Variants in PC observed in about 807,000 individuals in gnomAD.
PC encodes pyruvate carboxylase, mitochondrial.
In PC, 46 loss-of-function variants were observed where a neutral mutation model predicts 107.8. That is an observed-to-expected ratio of 0.43 (90% CI 0.34 to 0.55). The LOEUF is 0.55. Ranked by LOEUF, PC falls within the 20% of genes least tolerant of loss-of-function variation. PC has a pLI of 0.04. For missense variants in PC, 1,241 were observed against 1,643.1 expected (o/e 0.76, Z 4.23); for synonymous variants, 662 against 684.7 (o/e 0.97, Z 0.52).
intron 3 of PC, among the ~76,000 whole-genome samples, chr11:66,873,356 T>TATATATA (rs990623412): frequency 7.1e-5 from 8 of 112,266 alleles, no homozygotes; most frequent in African/African-American, 2.7e-4. Flanking sequence ...ATATATATAT[T>TATATATA]ATATATAATA....
At chr11:66,889,979 A>ATGAC (rs767851367) in intron 3 of PC, among the ~76,000 whole-genome samples, 5 of 152,350 alleles carry the variant, frequency 3.3e-5, no homozygotes, top group East Asian at 3.9e-4. Flanking sequence ...TACTTCACGA[A>ATGAC]TGACTGCACA....
Position 66,870,225 on chromosome 11 carries a change from C to T in PC, c.903+77G>A, listed in dbSNP as rs1185785037. The T allele has an allele frequency of 3.2e-6, 5 of 1,577,948 alleles. No homozygotes were observed. The highest frequency in any genetic ancestry group is 1.3e-5 in the African/African-American group (1 of 74,370). On this transcript the variant is annotated intron_variant, in intron 9 of 22. Transcript: ENST00000393960. The surrounding 1 kb of genome is among the most constrained non-coding windows in gnomAD (Gnocchi z 6.1). ...GAAGGGGACTCAGGGTCCCCTTCCC[C>T]AACCAGCGCCCCACTGTGAGGCCTG...
intron 3 of PC, among the ~76,000 whole-genome samples, chr11:66,909,361 C>T (rs1053265328): frequency 6.6e-6 from 1 of 152,158 alleles, no homozygotes; most frequent in Non-Finnish European, 1.5e-5. Context: ...CGTCATGGAC[C>T]CCAGCCATCT....
At chr11:66,939,803 T>A (rs1489061236) in intron 3 of PC, among the ~76,000 whole-genome samples, 4 of 10,328 alleles carry the variant, frequency 3.9e-4, no homozygotes, top group African/African-American at 8.7e-4. Context: ...AAACTCCGTC[T>A]CAAAAAAAAA....
chr11:66,879,917 G>A (rs1410094384), intron 3 of PC, among the ~76,000 whole-genome samples: 1 of 152,208 alleles, frequency 6.6e-6, no homozygotes, highest in Non-Finnish European at 1.5e-5. Flanking sequence ...GAGCTGCTGT[G>A]AATGACGGAG....
intron 11 of PC, among the ~76,000 whole-genome samples, chr11:66,864,602 A>G (rs1237789193): frequency 6.6e-6 from 1 of 152,168 alleles, no homozygotes; most frequent in Non-Finnish European, 1.5e-5. Flanking sequence ...AGGAAGTGGG[A>G]GAGGAAATGA....
At chr11:66,958,061 G>A (rs1312057458) in intron 1 of PC, 5 of 151,324 alleles carry the variant, frequency 3.3e-5, no homozygotes, top group Non-Finnish European at 7.4e-5. Flanking sequence ...AGGGGCGCTC[G>A]GGGGCTGCAG....
rs1945519559 is a variant in PC at position 66,851,906 on chromosome 11, G to A, written c.1866C>T (p.Cys622=). 3 of 1,613,952 alleles carry A rather than the reference G, an allele frequency of 1.9e-6. No homozygotes were observed. Among genetic ancestry groups the A allele is most frequent in the African/African-American group, 2.7e-5 (2 of 74,906 alleles). Residue 622 remains cysteine (C), a synonymous_variant, in exon 16 of 23, where the codon TGC becomes TGT. Coordinates refer to ENST00000393960, the MANE Select transcript of PC (RefSeq NM_001040716.2). The part of the protein sequence containing the change: ...FDVAMRFLYE[C]PWRRLQELRE... ...GGAGCTCCTGCAGCCGCCGCCAGGG[G>A]CACTCATACAGGAAGCGCATGGCGA...
intron 3 of PC, among the ~76,000 whole-genome samples, chr11:66,947,794 C>T (rs1052699342): frequency 1.3e-5 from 2 of 151,220 alleles, no homozygotes; most frequent in Non-Finnish European, 2.9e-5. Context: ...GAAACCCCCT[C>T]TCTACTAAAA....
chr11:66,950,734 G>A (rs543754602), intron 3 of PC, among the ~76,000 whole-genome samples: 19 of 152,180 alleles, frequency 1.2e-4, no homozygotes, highest in African/African-American at 4.6e-4. Flanking sequence ...ATAAAATATG[G>A]CAATTTTAAA....
At chr11:66,898,351 T>C (rs936913745) in intron 3 of PC, among the ~76,000 whole-genome samples, 1 of 152,196 alleles carries the variant, frequency 6.6e-6, no homozygotes, top group Non-Finnish European at 1.5e-5. Flanking sequence ...TTTACTGAGA[T>C]ACAATTCACA....
At chr11:66,887,825 C>T (rs529923566) in intron 3 of PC, among the ~76,000 whole-genome samples, 1 of 152,222 alleles carries the variant, frequency 6.6e-6, no homozygotes, top group Non-Finnish European at 1.5e-5. Flanking sequence ...CACTCTCTTT[C>T]AGTTTGGGAG....
chr11:66,921,825 A>G (rs1948603558), intron 3 of PC, among the ~76,000 whole-genome samples: 2 of 152,194 alleles, frequency 1.3e-5, no homozygotes, highest in Admixed American at 1.3e-4. Flanking sequence ...CTTTTATATA[A>G]ATTTAGTTCT....
chr11:66,956,964 G>A (rs948072968), intron 1 of PC, among the ~76,000 whole-genome samples: 21 of 152,186 alleles, frequency 1.4e-4, no homozygotes, highest in African/African-American at 4.8e-4. Flanking sequence ...CATCGCCCAC[G>A]CTGTCTCTCG....
chr11:66,877,317 C>T (rs1484482425), intron 3 of PC, among the ~76,000 whole-genome samples: 1 of 152,120 alleles, frequency 6.6e-6, no homozygotes, highest in African/African-American at 2.4e-5. Flanking sequence ...GCCTGTGAGG[C>T]GGAAGTTGCA....
Position 66,858,077 on chromosome 11 carries a change from G to A in PC, c.1369-4694C>T. On this transcript the variant is annotated intron_variant, in intron 12 of 22. Coordinates refer to ENST00000393960, the MANE Select transcript of PC (RefSeq NM_001040716.2). The surrounding 1 kb of genome is among the most constrained non-coding windows in gnomAD (Gnocchi z 5.9). ...TTGACGGCAACAGGCTGGTGGAGCT[G>A]GGCACCGGGAGCCTCCGGGGCCCCG... 1 of 1,609,382 alleles carries A rather than the reference G, an allele frequency of 6.2e-7. No homozygotes were observed. Among genetic ancestry groups the A allele is most frequent in the African/African-American group, 1.3e-5 (1 of 75,010 alleles).
Position 66,849,973 on chromosome 11 carries a change from G to A in PC, c.2862C>T (p.Val954=). 6.2e-7 allele frequency: 1 copy of A among 1,613,650 alleles called. No homozygotes were observed. The highest frequency in any genetic ancestry group is 8.5e-7 in the Non-Finnish European group (1 of 1,180,024). Residue 954 remains valine (V), a synonymous_variant, in exon 20 of 23, where the codon GTC becomes GTT. Transcript: ENST00000393960. The stretch of plus-strand genomic sequence containing the variant: ...AGGGTTCGGGGAACCCCCCATGGGG[G>A]ACACCGATGTAGCCCTGCAGGAACT... The part of the protein sequence containing the change: ...VVEFLQGYIG[V]PHGGFPEPFR...
rs1466825580 is a variant in PC at position 66,870,977 on chromosome 11, T to A, written c.633+75A>T. 3.7e-6 allele frequency: 6 copies of A among 1,608,948 alleles called. No individual in the cohort carries two copies. In the Admixed American group the frequency reaches 8.3e-5, roughly 22 times the overall value. ...CCATGAACCCCACCCACTTTCCAGA[T>A]CCCTTGAGTGGTCCGCCCCTGCCCC... On this transcript the variant is annotated intron_variant, in intron 7 of 22. Coordinates refer to ENST00000393960, the MANE Select transcript of PC (RefSeq NM_001040716.2). This position sits in a 1 kb window ranked among gnomAD's most constrained non-coding sequence, Gnocchi z 6.1.
In PC at chr11:66,849,609, A is replaced by G. The variant is rs2135788673; in HGVS notation, c.3147+2T>C. ...GTGTGGAGAAGCGCCAGAGCCACTG[A>G]CCTCAAACTCCTCTGCGATCTTGGG... On this transcript the variant is annotated splice_donor_variant, in intron 21 of 22. Transcript: ENST00000393960. LOFTEE classifies it high-confidence loss of function. The G allele has an allele frequency of 1.2e-6, 2 of 1,614,108 alleles. No homozygotes were observed. Among genetic ancestry groups the G allele is most frequent in the African/African-American group, 1.3e-5 (1 of 75,036 alleles).
Sources: allele counts gnomAD v4.1 joint callset (sites outside exome capture counted in the v4.1 genomes callset), GRCh38; gene constraint gnomAD v4.1.1; non-coding constraint Gnocchi (gnomAD v3.1); transcripts MANE v1.5; gene names NCBI Gene and HGNC (gene_info 2026-07-23, HGNC 2026-07-21).